MFSD11: variants seen among roughly 807,000 people sequenced by gnomAD.
MFSD11 encodes UNC93-like protein MFSD11.
MFSD11 carries 36 observed loss-of-function variants against 53.5 expected under a neutral mutation model. The observed-to-expected ratio is 0.67, with a 90% confidence interval of 0.52 to 0.89. The LOEUF (loss-of-function observed/expected upper bound fraction) is 0.89. MFSD11 is among the 40% of genes least tolerant of loss of function. MFSD11 has a pLI of 0.00. For missense variants in MFSD11, 530 were observed against 543.9 expected (o/e 0.97, Z 0.25); for synonymous variants, 186 against 184.9 (o/e 1.01, Z -0.05).
chr17:76,776,415 T>C lies in MFSD11; in HGVS notation c.1059T>C (p.Val353=), dbSNP rs755916831. Residue 353 remains valine, a synonymous_variant, in exon 12 of 13, where the codon GTT becomes GTC. Transcript: ENST00000685175. This position sits in a 1 kb window ranked among gnomAD's most constrained non-coding sequence, Gnocchi z 4.2. The stretch of plus-strand genomic sequence containing the variant: ...TTTTTATTTTCTTCAGCAAAGAAGT[T>C]GCCATTCTCTGCAGTTTTCTGTTGG... The part of the protein sequence containing the change: ...SSAYIKSSKE[V]AILCSFLLGL... 1.2e-6 allele frequency: 2 copies of C among 1,613,788 alleles called. No homozygotes were observed. Among genetic ancestry groups the C allele is most frequent in the Non-Finnish European group, 1.7e-6 (2 of 1,179,902 alleles).
rs1002647639 is a variant in MFSD11 at position 76,742,234 on chromosome 17, G to A, written c.398G>A (p.Gly133Glu). The A allele has an allele frequency of 1.2e-6, 2 of 1,614,158 alleles. No homozygotes were observed. The highest frequency in any genetic ancestry group is 2.7e-5 in the African/African-American group (2 of 75,034). ...LTINSDEHSI[G>E]RNSGIFWALL... is the part of the protein sequence containing the mutation. ...ATCAATTCGGATGAGCACAGCATTG[G>A]GAGAAACAGTGGGATTTTCTGGGCA... Residue 133 changes from glycine (G) to glutamate (E), a missense_variant, in exon 5 of 13, where the codon GGG (glycine) becomes GAG (glutamate). Physicochemically the swap from Gly to Glu is moderately conservative, Grantham distance 98. Transcript: ENST00000685175.
At chr17:76,754,637 T>C (rs943325364) in intron 8 of MFSD11, among the ~76,000 whole-genome samples, 20 of 146,966 alleles carry the variant, frequency 1.4e-4, no homozygotes, top group African/African-American at 5.1e-4. Context: ...TGAGCCGAGA[T>C]TGCCCCACTG....
At chr17:76,748,678 C>G (rs1429984026) in intron 7 of MFSD11, among the ~76,000 whole-genome samples, 1 of 150,540 alleles carries the variant, frequency 6.6e-6, no homozygotes, top group Non-Finnish European at 1.5e-5. Flanking sequence ...AGAGCAAGAC[C>G]CTGTCTTAAA....
chr17:76,740,878 T>G (rs2078008269), intron 2 of MFSD11, 79 bp from the exon 3 acceptor site: 2 of 796,464 alleles, frequency 2.5e-6, no homozygotes, highest in Non-Finnish European at 4.2e-6. Flanking sequence ...TATAAACAAA[T>G]GGATTTTAAA....
At chr17:76,766,413 T>A (rs1302102199) in intron 8 of MFSD11, among the ~76,000 whole-genome samples, 1 of 141,004 alleles carries the variant, frequency 7.1e-6, no homozygotes, top group Admixed American at 7.2e-5. Flanking sequence ...AGTGAGACTC[T>A]GTCTCAAAAA....
intron 8 of MFSD11, among the ~76,000 whole-genome samples, chr17:76,759,573 G>C (rs1185045970): frequency 6.6e-6 from 1 of 152,008 alleles, no homozygotes; most frequent in Non-Finnish European, 1.5e-5. Flanking sequence ...TCCTGCCTCA[G>C]CCTCCTGAGT....
At chr17:76,780,860 C>T (rs1415765101), downstream of MFSD11, among the ~76,000 whole-genome samples, 3 of 152,144 alleles carry the variant, frequency 2.0e-5, no homozygotes, top group African/African-American at 7.2e-5. Context: ...GCTGATATAA[C>T]CTCCATTGGC....
At chr17:76,746,150 G>A (rs1224593028) in intron 7 of MFSD11, among the ~76,000 whole-genome samples, 2 of 152,214 alleles carry the variant, frequency 1.3e-5, no homozygotes, top group African/African-American at 2.4e-5. Context: ...CAGCCTTATT[G>A]CTGATACGGA....
chr17:76,759,756 C>CTTTTTTTTTTT lies in MFSD11; in HGVS notation c.682+5689_682+5699dup, dbSNP rs1159131964. Reference sequence around the variant, plus strand: ...ACAGGTGTGAGCCACCGTGACCGGCCTTTTTTTTTTTTTTTTTTTTTTTTT... The same window carrying CTTTTTTTTTTT: ...ACAGGTGTGAGCCACCGTGACCGGCCTTTTTTTTTTTTTTTTTTTTTTTTTTTTTTTTTTTT... On this transcript the variant is annotated intron_variant, in intron 8 of 12. Transcript: ENST00000685175. Among the ~76,000 whole-genome samples, 66 of 27,018 alleles carry CTTTTTTTTTTT rather than the reference C, an allele frequency of 2.4e-3. 7 individuals are homozygous for CTTTTTTTTTTT. The highest frequency in any genetic ancestry group is 5.8e-3 in the East Asian group (6 of 1,036). The allele number at this position is 27,018 out of a possible 152,430, so 17.7% of individuals were successfully genotyped here. A position where few individuals can be genotyped will look rare whatever the true frequency, so the allele number is the denominator to read the frequency against.
At chr17:76,784,409 T>G (rs1480163063), downstream of MFSD11, among the ~76,000 whole-genome samples, 1 of 152,100 alleles carries the variant, frequency 6.6e-6, no homozygotes, top group Non-Finnish European at 1.5e-5. Flanking sequence ...TGGCGCTGCC[T>G]GTAGTCCCAG....
chr17:76,786,531 TG>T, the MFSD11 span, among the ~76,000 whole-genome samples: 3 of 152,156 alleles, frequency 2.0e-5, no homozygotes, highest in Admixed American at 6.6e-5. Context: ...AATGCGCAGC[TG>T]GGTCTTAAGG....
the MFSD11 span, among the ~76,000 whole-genome samples, chr17:76,795,818 TA>T: frequency 7.2e-6 from 1 of 139,374 alleles, no homozygotes; most frequent in East Asian, 2.1e-4. Context: ...CACGCCCGGC[TA>T]ATTTTTTTTT....
intron 7 of MFSD11, among the ~76,000 whole-genome samples, chr17:76,747,249 C>T (rs906959396): frequency 6.6e-6 from 1 of 152,042 alleles, no homozygotes; most frequent in Non-Finnish European, 1.5e-5. Flanking sequence ...TACAGTGGCT[C>T]ACGCCTGTAA....
chr17:76,744,145 C>A (rs566485140), intron 6 of MFSD11, among the ~76,000 whole-genome samples, 177 bp from the exon 7 acceptor site: 2 of 152,156 alleles, frequency 1.3e-5, no homozygotes, highest in African/African-American at 4.8e-5. Flanking sequence ...ATTTCTCTAA[C>A]TGAAAGACAA....
chr17:76,797,889 C>CT, the MFSD11 span, among the ~76,000 whole-genome samples: 130 of 80,702 alleles, frequency 1.6e-3, no homozygotes, highest in South Asian at 0.019. Flanking sequence ...CTCAGGAAAA[C>CT]ATTTTTTTTT....
At chr17:76,745,278 G>A (rs2078434667) in intron 7 of MFSD11, 1 of 152,172 alleles carries the variant, frequency 6.6e-6, no homozygotes, top group South Asian at 2.1e-4. Flanking sequence ...TCCAGTCATA[G>A]GAGCATTAGA....
rs1159131964 is a variant in MFSD11 at position 76,759,756 on chromosome 17, C to CTTTTTTTTTTTTTTTTTTT, written c.682+5681_682+5699dup. Among the ~76,000 whole-genome samples, 6 of 27,016 alleles carry CTTTTTTTTTTTTTTTTTTT rather than the reference C, an allele frequency of 2.2e-4. 1 individual carries two copies. The highest frequency in any genetic ancestry group is 3.2e-4 in the Non-Finnish European group (5 of 15,422). 17.7% of individuals were successfully genotyped at this position (27,016 alleles called of 152,430 possible). A position where few individuals can be genotyped will look rare whatever the true frequency, so the allele number is the denominator to read the frequency against. ...ACAGGTGTGAGCCACCGTGACCGGC[C>CTTTTTTTTTTTTTTTTTTT]TTTTTTTTTTTTTTTTTTTTTTTTT... On this transcript the variant is annotated intron_variant, in intron 8 of 12. Coordinates refer to ENST00000685175, the MANE Select transcript of MFSD11 (RefSeq NM_001242532.5).
Position 76,738,281 on chromosome 17 carries a change from G to T in MFSD11, c.-72G>T. On this transcript the variant is annotated 5_prime_UTR_variant, in exon 1 of 13. It adds an upstream start codon to the 5' untranslated region. Transcript: ENST00000685175. The stretch of plus-strand genomic sequence containing the variant: ...ACTCACCATCTCATTTCTTTCTCCA[G>T]GATTGTCAGTGGCTTCGCCCCGAGG... 2 of 970,644 alleles carry T rather than the reference G, an allele frequency of 2.1e-6. No homozygotes were observed. Among genetic ancestry groups the T allele is most frequent in the South Asian group, 1.3e-5 (1 of 74,362 alleles). 60.1% of individuals were successfully genotyped at this position (970,644 alleles called of 1,614,324 possible).
rs1388770780 is a variant in MFSD11, at chr17:76,742,014, C to T, written c.306C>T (p.Tyr102=). ...TCCAGCCTTTCCCGTGGTCCTTCTA[C>T]ACAGCCTCTGTTTTCATTGGAATTG... ...VFIQPFPWSF[Y]TASVFIGIAA... is the part of the protein sequence containing the mutation. Residue 102 remains tyrosine (Y), a synonymous_variant, in exon 4 of 13, where the codon TAC becomes TAT. Coordinates refer to ENST00000685175, the MANE Select transcript of MFSD11 (RefSeq NM_001242532.5). The T allele has an allele frequency of 6.2e-7, 1 of 1,614,172 alleles. No homozygotes were observed. The highest frequency in any genetic ancestry group is 2.2e-5 in the East Asian group (1 of 44,878).
Sources: gnomAD v4.1 joint callset for allele counts (sites outside exome capture counted in the v4.1 genomes callset) on GRCh38, gnomAD v4.1.1 for gene constraint, Gnocchi (gnomAD v3.1) non-coding constraint, MANE v1.5 for transcripts, NCBI Gene and HGNC (gene_info 2026-07-23, HGNC 2026-07-21) for gene names.